Variants in ACAD10 observed in about 807,000 individuals in gnomAD.
The protein encoded by ACAD10 is ACAD-10.
In ACAD10, 112 loss-of-function variants were observed where a neutral mutation model predicts 116.8. That is an observed-to-expected ratio of 0.96 (90% confidence interval 0.82 to 1.12). The LOEUF (loss-of-function observed/expected upper bound fraction) is 1.12, where lower values mean the gene tolerates loss of function less well. ACAD10 is among the 50% of genes most tolerant of loss of function. The pLI, the probability that ACAD10 is intolerant of heterozygous loss-of-function variation, is 0.00. For synonymous variants in ACAD10, 486 were observed against 510.6 expected, an observed-to-expected ratio of 0.95 and a Z score of 0.65; for missense variants, 1,259 against 1,350.2, an observed-to-expected ratio of 0.93 and a Z score of 1.06.
chr12:111,714,865 A>G (rs533647345), intron 6 of ACAD10, among the ~76,000 whole-genome samples: 1 of 151,764 alleles, frequency 6.6e-6, no homozygotes, highest in South Asian at 2.1e-4. Context: ...GGCACCCACT[A>G]CCATGCCTGG....
intron 3 of ACAD10, among the ~76,000 whole-genome samples, chr12:111,703,315 A>C (rs1045852207): frequency 2.1e-4 from 32 of 152,144 alleles, no homozygotes; most frequent in Non-Finnish European, 3.4e-4. Context: ...ATACTAAAAC[A>C]GGAGCTGTCT....
intron 9 of ACAD10, 126 bp from the exon 10 acceptor site, chr12:111,729,680 G>A (rs192025254): frequency 9.2e-5 from 103 of 1,118,618 alleles, no homozygotes; most frequent in African/African-American, 1.3e-4. Flanking sequence ...TCATAGGAAC[G>A]TGTTCAAAGA....
At chr12:111,714,544 A>G (rs1019055404) in intron 6 of ACAD10, among the ~76,000 whole-genome samples, 14 of 151,698 alleles carry the variant, frequency 9.2e-5, no homozygotes, top group African/African-American at 2.9e-4. Flanking sequence ...GCATGCCTGT[A>G]GTCCCAGCTA....
At chr12:111,697,546 A>G (rs574756438) in intron 2 of ACAD10, among the ~76,000 whole-genome samples, 34 of 147,678 alleles carry the variant, frequency 2.3e-4, no homozygotes, top group South Asian at 1.7e-3. Flanking sequence ...TTTTCAGTAG[A>G]GACAGGGTTT....
chr12:111,750,652 T>C (rs1890049745), intron 18 of ACAD10, among the ~76,000 whole-genome samples: 1 of 152,176 alleles, frequency 6.6e-6, no homozygotes, highest in Non-Finnish European at 1.5e-5. Flanking sequence ...TTTTTGTCCC[T>C]AGGCTTCCAT....
chr12:111,714,025 A>G (rs1403940283), intron 6 of ACAD10, among the ~76,000 whole-genome samples: 1 of 152,086 alleles, frequency 6.6e-6, no homozygotes, highest in African/African-American at 2.4e-5. Flanking sequence ...TGGGCGGATC[A>G]TCTGAGGTCA....
intron 12 of ACAD10, among the ~76,000 whole-genome samples, chr12:111,741,897 A>G (rs1566164920): frequency 6.6e-6 from 1 of 152,344 alleles, no homozygotes; most frequent in East Asian, 1.9e-4. Context: ...TGTCATTTAC[A>G]AAAGACTTCA....
intron 1 of ACAD10, among the ~76,000 whole-genome samples, chr12:111,691,594 ATTT>A (rs56715476): frequency 1.5e-5 from 2 of 132,180 alleles, no homozygotes; most frequent in Non-Finnish European, 1.6e-5. Context: ...AAGGAATGAG[ATTT>A]TTTTTTTTTT....
intron 2 of ACAD10, among the ~76,000 whole-genome samples, chr12:111,700,476 C>T (rs945172760): frequency 3.5e-4 from 53 of 152,068 alleles, no homozygotes; most frequent in African/African-American, 1.3e-3. Context: ...CAGATTTTGA[C>T]AGAAATTATC....
chr12:111,699,858 T>C (rs551423922), intron 2 of ACAD10, among the ~76,000 whole-genome samples: 2 of 152,230 alleles, frequency 1.3e-5, no homozygotes, highest in Admixed American at 1.3e-4. Context: ...AGCTTGAGGC[T>C]GCAGTGGGCC....
chr12:111,706,041 TC>T, intron 4 of ACAD10, 109 bp downstream of exon 4: 1 of 1,209,754 alleles, frequency 8.3e-7, no homozygotes, highest in South Asian at 1.5e-5. Context: ...AGTTTTTCCT[TC>T]AGCCACTTGA....
At chr12:111,709,859 C>A in intron 5 of ACAD10, 175 bp downstream of exon 5, 1 of 719,830 alleles carries the variant, frequency 1.4e-6, no homozygotes, top group Non-Finnish European at 2.2e-6. Flanking sequence ...CTTGTATTTT[C>A]AATGGGAAGC....
chr12:111,727,856 G>C (rs1397052214), intron 8 of ACAD10, 106 bp from the exon 9 acceptor site: 1 of 1,175,154 alleles, frequency 8.5e-7, no homozygotes, highest in Non-Finnish European at 1.2e-6. Flanking sequence ...CTCTTCACCA[G>C]CTCTCAACCT....
rs533466932 is a variant in ACAD10, at chr12:111,715,548, T to C, written c.851-273T>C. 250 of 388,170 alleles carry C rather than the reference T, an allele frequency of 6.4e-4. 1 individual carries two copies. The highest frequency in any genetic ancestry group is 1.6e-3 in the South Asian group (38 of 24,200). The allele number at this position is 388,170 out of a possible 1,614,324, so 24.0% of individuals were successfully genotyped here. ...GCAGGAGCTGGCAGGAAGGACAAAATTGGACACCTGCACAAACTGAGAAAA... is the reference window on the plus strand; with the variant it reads ...GCAGGAGCTGGCAGGAAGGACAAAACTGGACACCTGCACAAACTGAGAAAA... On this transcript the variant is annotated intron_variant, in intron 6 of 20. Transcript: ENST00000313698.
At chr12:111,735,019 C>G (rs937306443) in intron 11 of ACAD10, among the ~76,000 whole-genome samples, 1 of 152,022 alleles carries the variant, frequency 6.6e-6, no homozygotes, top group Admixed American at 6.6e-5. Flanking sequence ...GTCAGGAGAT[C>G]GAGACCATCC....
intron 6 of ACAD10, 63 bp from the exon 7 acceptor site, chr12:111,715,758 G>A: frequency 1.9e-6 from 3 of 1,605,754 alleles, no homozygotes. Flanking sequence ...TAGAAAGAAA[G>A]AATGTCTGCT....
intron 12 of ACAD10, among the ~76,000 whole-genome samples, chr12:111,741,198 T>C (rs907411636): frequency 6.6e-6 from 1 of 152,234 alleles, no homozygotes; most frequent in African/African-American, 2.4e-5. Flanking sequence ...ATTTTCCCTC[T>C]TTTAGGAAAA....
intron 10 of ACAD10, 74 bp from the exon 11 acceptor site, chr12:111,733,849 A>G: frequency 6.3e-7 from 1 of 1,596,016 alleles, no homozygotes; most frequent in Non-Finnish European, 8.5e-7. Context: ...CCTAAAGGGC[A>G]AACAGACCAC....
chr12:111,709,743 T>C, intron 5 of ACAD10, 59 bp downstream of exon 5: 1 of 1,478,102 alleles, frequency 6.8e-7, no homozygotes, highest in Non-Finnish European at 9.1e-7. Context: ...GCAATGTTTC[T>C]CTGTAATCTT....
Sources: gnomAD v4.1 joint callset for allele counts (sites outside exome capture counted in the v4.1 genomes callset) on GRCh38, gnomAD v4.1.1 for gene constraint, MANE v1.5 for transcripts, NCBI Gene and HGNC (gene_info 2026-07-23, HGNC 2026-07-21) for gene names.